BCL2: variants seen among roughly 807,000 people sequenced by gnomAD.
The protein encoded by BCL2 is BCL2 apoptosis regulator, also known as apoptosis regulator Bcl-2.
In BCL2, 1 loss-of-function variant was observed where a neutral mutation model predicts 14.2. The ratio of observed to expected loss-of-function variants is 0.07; its 90% CI spans 0.02 to 0.33. The LOEUF (loss-of-function observed/expected upper bound fraction) is 0.33, where lower values mean the gene tolerates loss of function less well. Among genes scored for constraint, BCL2 ranks in the 10% least tolerant of loss-of-function variants. The pLI is 0.99. For synonymous variants in BCL2, 151 were observed against 137.2 expected (o/e 1.10, Z -0.70); for missense variants, 247 against 305.9 (o/e 0.81, Z 1.44).
intron 2 of BCL2, among the ~76,000 whole-genome samples, chr18:63,186,380 C>T (rs1167284004): frequency 6.6e-6 from 1 of 152,204 alleles, no homozygotes; most frequent in Non-Finnish European, 1.5e-5. Flanking sequence ...ATGGGTATTA[C>T]TGACTGCCTT....
chr18:63,131,672 A>T (rs918173214), intron 2 of BCL2, among the ~76,000 whole-genome samples: 1 of 152,238 alleles, frequency 6.6e-6, no homozygotes, highest in Non-Finnish European at 1.5e-5. Flanking sequence ...TTGTCAGGGC[A>T]CTGGCAATAG....
In BCL2 at chr18:63,186,857, A is replaced by C. The variant is rs539070927; in HGVS notation, c.586-58098T>G. On this transcript the variant is annotated intron_variant, in intron 2 of 2. Transcript: ENST00000333681. ...TTAAGATTTAGTAGCATTCTTTAGTACTAGATTCATAAAGAGAAATGAAGA... is the reference window on the plus strand; with the variant it reads ...TTAAGATTTAGTAGCATTCTTTAGTCCTAGATTCATAAAGAGAAATGAAGA... Among the ~76,000 whole-genome samples, 9 of 152,350 alleles carry C rather than the reference A, an allele frequency of 5.9e-5. No homozygotes were observed. The East Asian group carries it at 1.7e-3, about 29-fold the overall frequency.
intron 2 of BCL2, among the ~76,000 whole-genome samples, chr18:63,198,453 CAGAG>C (rs1271804707): frequency 1.3e-5 from 2 of 149,924 alleles, no homozygotes; most frequent in South Asian, 2.1e-4. Context: ...CACACAGACA[CAGAG>C]ACACACACAG....
chr18:63,209,869 A>G (rs930537545), intron 2 of BCL2, among the ~76,000 whole-genome samples: 3 of 152,174 alleles, frequency 2.0e-5, no homozygotes, highest in African/African-American at 7.2e-5. Context: ...CAGGCCGTTT[A>G]ACAGGATCAA....
chr18:63,183,805 A>G (rs1299235424), intron 2 of BCL2, among the ~76,000 whole-genome samples: 1 of 152,196 alleles, frequency 6.6e-6, no homozygotes, highest in African/African-American at 2.4e-5. Flanking sequence ...CCTGGAGAGA[A>G]TTCTTTTGCT....
At chr18:63,295,216 G>A (rs779601804) in intron 2 of BCL2, among the ~76,000 whole-genome samples, 11 of 151,514 alleles carry the variant, frequency 7.3e-5, no homozygotes, top group Non-Finnish European at 1.5e-4. Flanking sequence ...TTCATAGAAA[G>A]TGTAGGGACA....
chr18:63,281,666 CAGAAAGAAAGAAAGAA>C (rs11271898), intron 2 of BCL2, among the ~76,000 whole-genome samples: 13,024 of 88,152 alleles, frequency 0.15, 1,068 homozygotes, highest in South Asian at 0.26. Flanking sequence ...GACCTTGTCT[CAGAAAGAAAGAAAGAA>C]AGAAAGAAAG....
chr18:63,190,282 A>G (rs925674269), intron 2 of BCL2, among the ~76,000 whole-genome samples: 1 of 152,250 alleles, frequency 6.6e-6, no homozygotes, highest in Non-Finnish European at 1.5e-5. Flanking sequence ...GCAAATAAAA[A>G]ATTGGATTGG....
chr18:63,272,044 C>T (rs1182852679), intron 2 of BCL2, among the ~76,000 whole-genome samples: 1 of 152,184 alleles, frequency 6.6e-6, no homozygotes, highest in African/African-American at 2.4e-5. Flanking sequence ...TTTTTAGGCT[C>T]TTTTTGGTGG....
At chr18:63,223,184 G>A (rs1367706869) in intron 2 of BCL2, among the ~76,000 whole-genome samples, 3 of 152,108 alleles carry the variant, frequency 2.0e-5, no homozygotes, top group Non-Finnish European at 4.4e-5. Context: ...GGCGGATCAC[G>A]AGGTCAGGAG....
At chr18:63,263,903 G>A (rs1407031043) in intron 2 of BCL2, among the ~76,000 whole-genome samples, 1 of 152,152 alleles carries the variant, frequency 6.6e-6, no homozygotes, top group Non-Finnish European at 1.5e-5. Flanking sequence ...TCAGCTTACT[G>A]CAACCTCTGC....
intron 2 of BCL2, among the ~76,000 whole-genome samples, chr18:63,181,659 T>C (rs1247748419): frequency 6.6e-6 from 1 of 152,180 alleles, no homozygotes; most frequent in Non-Finnish European, 1.5e-5. Flanking sequence ...TCATTAAGCT[T>C]CCCTTGCAGA....
In BCL2 at chr18:63,286,596, G is replaced by A. The variant is rs1188958676; in HGVS notation, c.585+31486C>T. Among the ~76,000 whole-genome samples the A allele has an allele frequency of 2.6e-5, 4 of 152,102 alleles. No individual in the cohort carries two copies. In the East Asian group the frequency reaches 7.7e-4, roughly 29 times the overall value. ...CTGGTGCCAGCCCTGAAGGTCAGCTGTACACCAAACTCTGTAGCTTGGTAT... is the reference window on the plus strand; with the variant it reads ...CTGGTGCCAGCCCTGAAGGTCAGCTATACACCAAACTCTGTAGCTTGGTAT... On this transcript the variant is annotated intron_variant, in intron 2 of 2. Coordinates refer to ENST00000333681, the MANE Select transcript of BCL2 (RefSeq NM_000633.3).
chr18:63,210,666 T>A (rs922346249), intron 2 of BCL2, among the ~76,000 whole-genome samples: 5 of 152,218 alleles, frequency 3.3e-5, no homozygotes, highest in African/African-American at 9.6e-5. Context: ...GAGTTTCAGT[T>A]CAGTCATATG....
At chr18:63,302,847 C>G (rs1485666769) in intron 2 of BCL2, 1 of 985,180 alleles carries the variant, frequency 1.0e-6, no homozygotes, top group Non-Finnish European at 1.2e-6. Context: ...ACAAGGGCAT[C>G]CTGTTCAAAT....
At chr18:63,278,656 C>A (rs1360254565) in intron 2 of BCL2, among the ~76,000 whole-genome samples, 2 of 152,142 alleles carry the variant, frequency 1.3e-5, no homozygotes, top group Non-Finnish European at 2.9e-5. Context: ...GGACTCCAGC[C>A]CAATCTCTCT....
chr18:63,222,778 T>C (rs936081393), intron 2 of BCL2, among the ~76,000 whole-genome samples: 6 of 152,212 alleles, frequency 3.9e-5, no homozygotes, highest in Non-Finnish European at 7.3e-5. Context: ...AGATGACCTT[T>C]TAAAAGACAT....
At chr18:63,272,290 A>G (rs1295625272) in intron 2 of BCL2, among the ~76,000 whole-genome samples, 1 of 152,238 alleles carries the variant, frequency 6.6e-6, no homozygotes, top group Non-Finnish European at 1.5e-5. Flanking sequence ...GGTTTCTGCC[A>G]ATTCAGAGTG....
At chr18:63,129,486 C>T (rs921963465) in intron 2 of BCL2, among the ~76,000 whole-genome samples, 1 of 152,042 alleles carries the variant, frequency 6.6e-6, no homozygotes, top group Non-Finnish European at 1.5e-5. Context: ...ACTATACTTT[C>T]CAGGCTGGTC....
Sources: gnomAD v4.1 joint callset for allele counts (sites outside exome capture counted in the v4.1 genomes callset) on GRCh38, gnomAD v4.1.1 for gene constraint, MANE v1.5 for transcripts, NCBI Gene and HGNC (gene_info 2026-07-23, HGNC 2026-07-21) for gene names.